The following ALMS1 variants were observed in gnomAD, a reference collection of about 807,000 sequenced individuals.
ALMS1 encodes the protein ALMS1 centrosome and basal body associated protein, also known as centrosome-associated protein ALMS1.
ALMS1 carries 271 observed loss-of-function variants against 352.2 expected under a neutral mutation model. That is an observed-to-expected ratio of 0.77 (90% confidence interval 0.70 to 0.85). ALMS1 has a LOEUF of 0.85. Ranked by LOEUF, ALMS1 falls within the 40% of genes least tolerant of loss-of-function variation. The pLI, the probability that ALMS1 is intolerant of heterozygous loss-of-function variation, is 0.00. For missense variants in ALMS1, 5,445 were observed against 4,870.7 expected (o/e 1.12, Z -3.51); for synonymous variants, 1,865 against 1,761.2 (o/e 1.06, Z -1.48).
At chr2:73,511,574 G>C (rs570534594) in intron 10 of ALMS1, among the ~76,000 whole-genome samples, 1 of 152,068 alleles carries the variant, frequency 6.6e-6, no homozygotes, top group African/African-American at 2.4e-5. Flanking sequence ...CTTCTGCGTT[G>C]GTCTTGCTGG....
chr2:73,505,609 AT>A (rs1297297369), intron 10 of ALMS1, among the ~76,000 whole-genome samples: 2 of 151,598 alleles, frequency 1.3e-5, no homozygotes, highest in African/African-American at 4.8e-5. Flanking sequence ...CCTTGTTTTC[AT>A]TCTTAAGTAA....
intron 6 of ALMS1, among the ~76,000 whole-genome samples, chr2:73,426,993 GT>G (rs986618305): frequency 6.6e-6 from 1 of 152,172 alleles, no homozygotes; most frequent in African/African-American, 2.4e-5. Flanking sequence ...TAAAAGAAAT[GT>G]TTATGTTTCA....
Position 73,488,520 on chromosome 2 carries a change from G to C in ALMS1, c.7675-1114G>C, listed in dbSNP as rs193290022. Among the ~76,000 whole-genome samples, 4 of 152,252 alleles carry C rather than the reference G, an allele frequency of 2.6e-5. No individual in the cohort carries two copies. In the East Asian group the frequency reaches 7.7e-4, roughly 29 times the overall value. On this transcript the variant is annotated intron_variant, in intron 9 of 22. Transcript: ENST00000613296. ...CTACAGCTGTGACTGGGCAGCTGCA[G>C]CTGTGCCCAGGAGGGTGGGGTTCCT...
rs767740473 is a variant in ALMS1 at position 73,426,526 on chromosome 2, T to G, written c.1311T>G (p.Ser437Arg). 9.3e-6 allele frequency: 15 copies of G among 1,613,988 alleles called. No homozygotes were observed. Among genetic ancestry groups the G allele is most frequent in the Non-Finnish European group, 1.2e-5 (14 of 1,179,956 alleles). ...TAAATGAAAATGCTGTTGTATGCAG[T>G]GAAAGAGTTGCTGAACTACAAAGAA... ...DGLNENAVVC[S>R]ERVAELQRKP... Residue 437 changes from serine to arginine, a missense_variant, in exon 6 of 23, where the codon AGT becomes AGG. Physicochemically the swap from Ser to Arg is moderately radical, Grantham distance 110 (BLOSUM62 -1). Transcript: ENST00000613296.
At position 73,602,372 on chromosome 2, in the gene ALMS1, C is replaced by T. The variant is rs751575704; in HGVS notation, c.12298+4C>T. The T allele has an allele frequency of 6.8e-6, 11 of 1,614,090 alleles. No homozygotes were observed. Among genetic ancestry groups the T allele is most frequent in the South Asian group, 4.4e-5 (4 of 91,042 alleles). On this transcript the variant is annotated splice_donor_region_variant and intron_variant, in intron 20 of 22. Transcript: ENST00000613296. The stretch of plus-strand genomic sequence containing the variant: ...ATGTGCCCGCTGCCCAAGAGAGGTA[C>T]GCCCTGCCCGTTCACTTTCCTGTGA...
At chr2:73,594,898 T>C (rs1573048591) in intron 16 of ALMS1, among the ~76,000 whole-genome samples, 1 of 152,206 alleles carries the variant, frequency 6.6e-6, no homozygotes, top group Non-Finnish European at 1.5e-5. Flanking sequence ...TGGTATCTTG[T>C]TTTTAAATAT....
At chr2:73,514,831 C>G (rs76263753) in intron 10 of ALMS1, among the ~76,000 whole-genome samples, 1 of 152,140 alleles carries the variant, frequency 6.6e-6, no homozygotes, top group Non-Finnish European at 1.5e-5. Context: ...TATTTCAGCA[C>G]TTTAAAGAGC....
In ALMS1 at chr2:73,505,107, T is replaced by C. The variant is rs543640427; in HGVS notation, c.9539+13609T>C. On this transcript the variant is annotated intron_variant, in intron 10 of 22. Coordinates refer to ENST00000613296, the MANE Select transcript of ALMS1 (RefSeq NM_001378454.1). ...CATGGTATATATGTGCCACATTTTC[T>C]TTATCCAGTCTAATATTGATAGGGA... Among the ~76,000 whole-genome samples the C allele has an allele frequency of 8.9e-4, 135 of 152,360 alleles. 2 individuals carry two copies. Among genetic ancestry groups the C allele is most frequent in the African/African-American group, 3.0e-3 (126 of 41,584 alleles).
Position 73,490,874 on chromosome 2 carries a change from A to G in ALMS1, c.8915A>G (p.Lys2972Arg), listed in dbSNP as rs770699467. ...SPISLEQCQS[K>R]APGVDDQMNK... ...ATTTCTCTTGAACAATGCCAAAGCAAAGCGCCAGGTGTAGATGACCAAATG... is the reference window on the plus strand; with the variant it reads ...ATTTCTCTTGAACAATGCCAAAGCAGAGCGCCAGGTGTAGATGACCAAATG... Residue 2972 changes from lysine to arginine, a missense_variant, in exon 10 of 23, where the codon AAA (lysine) becomes AGA (arginine). By Grantham distance (26) the Lys-to-Arg change is conservative (BLOSUM62 2). Transcript: ENST00000613296. 3 of 1,614,016 alleles carry G rather than the reference A, an allele frequency of 1.9e-6. No individual in the cohort carries two copies. Among genetic ancestry groups the G allele is most frequent in the East Asian group, 2.2e-5 (1 of 44,868 alleles).
rs76590592 is a variant in ALMS1 at position 73,568,907 on chromosome 2, C to T, written c.10385-3355C>T. 5.8e-4 allele frequency among the ~76,000 whole-genome samples: 86 copies of T among 148,938 alleles called. 1 individual carries two copies. In the East Asian group the frequency reaches 0.015, roughly 26 times the overall value. The stretch of plus-strand genomic sequence containing the variant: ...TTGACCTTTACTCTTAACAAAGTGC[C>T]ATGAGATGATGGTGATTATCAAATC... On this transcript the variant is annotated intron_variant, in intron 15 of 22. Coordinates refer to ENST00000613296, the MANE Select transcript of ALMS1 (RefSeq NM_001378454.1).
intron 5 of ALMS1, 70 bp downstream of exon 5, chr2:73,424,972 A>C: frequency 1.5e-6 from 2 of 1,344,908 alleles, no homozygotes; most frequent in Non-Finnish European, 2.0e-6. Flanking sequence ...AAGGGAAGTA[A>C]CAATTTTAGT....
chr2:73,448,374 C>T lies in ALMS1; in HGVS notation c.1847C>T (p.Thr616Ile), dbSNP rs2103772456. 1 of 1,614,052 alleles carries T rather than the reference C, an allele frequency of 6.2e-7. No homozygotes were observed. The highest frequency in any genetic ancestry group is 1.3e-5 in the African/African-American group (1 of 75,026). ...GLADQTTGMS[T>I]LTSTSYSHRE... ...GCTGACCAGACAACTGGCATGTCAA[C>T]TCTAACCTCTACTTCCTACTCACAT... The change falls in exon 8 of 23, where the codon ACT becomes ATT. Residue 616 changes from threonine to isoleucine, a missense_variant. By Grantham distance (89) the Thr-to-Ile change is moderately conservative. Coordinates refer to ENST00000613296, the MANE Select transcript of ALMS1 (RefSeq NM_001378454.1).
chr2:73,579,678 A>G, intron 16 of ALMS1, among the ~76,000 whole-genome samples: 1 of 152,090 alleles, frequency 6.6e-6, no homozygotes, highest in East Asian at 1.9e-4. Context: ...TACACTTTTT[A>G]TCTTTCATCA....
chr2:73,604,190 A>G (rs944156686), intron 21 of ALMS1, among the ~76,000 whole-genome samples: 1 of 152,182 alleles, frequency 6.6e-6, no homozygotes, highest in African/African-American at 2.4e-5. Flanking sequence ...ACTTTTTATA[A>G]TTTTTGAATT....
chr2:73,585,076 T>C (rs1159862026), intron 16 of ALMS1, among the ~76,000 whole-genome samples: 2 of 152,220 alleles, frequency 1.3e-5, no homozygotes, highest in African/African-American at 2.4e-5. Context: ...CGAATCATGC[T>C]GCTATAAACA....
chr2:73,513,013 C>T (rs1673483498), intron 10 of ALMS1, among the ~76,000 whole-genome samples: 1 of 152,120 alleles, frequency 6.6e-6, no homozygotes, highest in African/African-American at 2.4e-5. Flanking sequence ...TCATTTTTTA[C>T]TTTTTTCTTT....
Position 73,453,531 on chromosome 2 carries a change from A to T in ALMS1, c.7004A>T (p.Asp2335Val), listed in dbSNP as rs771422712. 3 of 1,613,814 alleles carry T rather than the reference A, an allele frequency of 1.9e-6. No individual in the cohort carries two copies. Among genetic ancestry groups the T allele is most frequent in the Non-Finnish European group, 2.5e-6 (3 of 1,179,972 alleles). The change falls in exon 8 of 23, where the codon GAT becomes GTT. Residue 2335 changes from aspartate to valine, a missense_variant. By Grantham distance (152) the Asp-to-Val change is radical. Transcript: ENST00000613296. ...ESPSSRCIQK[D>V]IGTQTNLKCR... is the part of the protein sequence containing the mutation. The stretch of plus-strand genomic sequence containing the variant: ...CCAAGCAGCAGGTGCATACAGAAGG[A>T]TATTGGCACACAGACGAATTTGAAA...
intron 9 of ALMS1, among the ~76,000 whole-genome samples, chr2:73,486,265 A>AG: frequency 6.6e-6 from 1 of 151,926 alleles, no homozygotes; most frequent in Non-Finnish European, 1.5e-5. Flanking sequence ...TGGGAGAGAG[A>AG]GGGGCATTTT....
chr2:73,458,905 T>C (rs1034594669), intron 9 of ALMS1: 1 of 152,208 alleles, frequency 6.6e-6, no homozygotes, highest in African/African-American at 2.4e-5. Context: ...TGGAATGCAG[T>C]AGATAGGTGT....
Sources: allele counts gnomAD v4.1 joint callset (sites outside exome capture counted in the v4.1 genomes callset), GRCh38; gene constraint gnomAD v4.1.1; transcripts MANE v1.5; gene names NCBI Gene and HGNC (gene_info 2026-07-23, HGNC 2026-07-21).